IL17RD: variants seen among roughly 807,000 people sequenced by gnomAD.
The protein encoded by IL17RD is interleukin-17 receptor D.
IL17RD carries 52 observed loss-of-function variants against 80.5 expected under a neutral mutation model. The ratio of observed to expected loss-of-function variants is 0.65; its 90% CI spans 0.52 to 0.81. The LOEUF is 0.81. IL17RD is among the 40% of genes least tolerant of loss of function. The pLI, the probability that IL17RD is intolerant of heterozygous loss-of-function variation, is 0.00. For synonymous variants in IL17RD, 416 were observed against 391.8 expected (o/e 1.06, Z -0.73); for missense variants, 1,024 against 955.1 (o/e 1.07, Z -0.95).
At chr3:57,117,051 A>G (rs897646030) in intron 2 of IL17RD, among the ~76,000 whole-genome samples, 1 of 152,134 alleles carries the variant, frequency 6.6e-6, no homozygotes, top group Non-Finnish European at 1.5e-5. Context: ...GTTCATTCCT[A>G]ATGCCAAAAT....
intron 1 of IL17RD, among the ~76,000 whole-genome samples, chr3:57,124,480 G>T (rs1185963133): frequency 6.6e-6 from 1 of 151,522 alleles, no homozygotes; most frequent in Non-Finnish European, 1.5e-5. Flanking sequence ...AATGAGGAGA[G>T]AGAGAAAGAG....
intron 1 of IL17RD, among the ~76,000 whole-genome samples, chr3:57,130,066 G>T (rs759743694): frequency 1.3e-5 from 2 of 152,204 alleles, no homozygotes; most frequent in Non-Finnish European, 2.9e-5. Flanking sequence ...CCAAGGCAGG[G>T]TGTATTTGCT....
At chr3:57,125,609 G>A (rs1322105772) in intron 1 of IL17RD, among the ~76,000 whole-genome samples, 1 of 152,156 alleles carries the variant, frequency 6.6e-6, no homozygotes. Context: ...AGGAAGACTG[G>A]AGAAAGGTCA....
At chr3:57,133,153 T>G (rs546408914) in intron 1 of IL17RD, among the ~76,000 whole-genome samples, 1 of 152,256 alleles carries the variant, frequency 6.6e-6, no homozygotes, top group Non-Finnish European at 1.5e-5. Context: ...CAAGTTTATT[T>G]TGATGAATGT....
intron 3 of IL17RD, among the ~76,000 whole-genome samples, chr3:57,112,238 C>G (rs1236522574): frequency 6.6e-6 from 1 of 152,206 alleles, no homozygotes; most frequent in Non-Finnish European, 1.5e-5. Flanking sequence ...CAAATCCTCC[C>G]AACAACCACA....
intron 1 of IL17RD, chr3:57,134,637 G>C: frequency 1.3e-6 from 1 of 792,842 alleles, no homozygotes; most frequent in South Asian, 1.3e-5. Context: ...TAAGACCAAG[G>C]AAGCACGCAA....
intron 1 of IL17RD, among the ~76,000 whole-genome samples, chr3:57,128,342 G>A (rs529979269): frequency 3.3e-5 from 5 of 152,310 alleles, no homozygotes; most frequent in South Asian, 2.1e-4. Flanking sequence ...AGCCGTAATC[G>A]TGATTCATCT....
intron 1 of IL17RD, chr3:57,134,776 ACTAAAATAAAAC>A (rs1174953519): frequency 8.9e-6 from 4 of 451,802 alleles, no homozygotes; most frequent in Non-Finnish European, 1.6e-5. Flanking sequence ...TAGATCAACC[ACTAAAATAAAAC>A]AAGCCTTTAC....
intron 1 of IL17RD, among the ~76,000 whole-genome samples, chr3:57,160,366 T>G (rs938469368): frequency 1.3e-5 from 2 of 152,142 alleles, no homozygotes; most frequent in Non-Finnish European, 2.9e-5. Flanking sequence ...TTAAAAGCAC[T>G]AGCAGTTCTT....
intron 9 of IL17RD, among the ~76,000 whole-genome samples, 163 bp downstream of exon 9, chr3:57,102,928 G>C (rs182663841): frequency 2.0e-5 from 3 of 152,220 alleles, no homozygotes; most frequent in Admixed American, 2.0e-4. Flanking sequence ...AATCTTCCAG[G>C]TTATAAACAT....
At chr3:57,140,661 T>C (rs983304965) in intron 1 of IL17RD, among the ~76,000 whole-genome samples, 4 of 152,210 alleles carry the variant, frequency 2.6e-5, no homozygotes, top group Admixed American at 2.6e-4. Flanking sequence ...CTAACAACTT[T>C]CTTTCTCAAA....
At chr3:57,163,077 A>G (rs931731233) in intron 1 of IL17RD, among the ~76,000 whole-genome samples, 6 of 152,138 alleles carry the variant, frequency 3.9e-5, no homozygotes, top group African/African-American at 1.4e-4. Flanking sequence ...GTGAGGCTGG[A>G]AAGGGTGGGA....
In IL17RD at chr3:57,098,041, G is replaced by A. The variant is rs1164515270; in HGVS notation, c.1662C>T (p.Asp554=). Residue 554 remains aspartate, a synonymous_variant, in exon 12 of 13, where the codon GAC becomes GAT. Coordinates refer to ENST00000296318, the MANE Select transcript of IL17RD (RefSeq NM_017563.5). ...VAICNMHQFI[D]EEPDWFEKQF... is the part of the protein sequence containing the mutation. ...GCTTTTCGAACCAGTCGGGCTCCTC[G>A]TCAATAAACTGGTGCATGTTGCAAA... 1.9e-6 allele frequency: 3 copies of A among 1,613,986 alleles called. No homozygotes were observed. The highest frequency in any genetic ancestry group is 2.2e-5 in the East Asian group (1 of 44,880).
Position 57,106,106 on chromosome 3 carries a change from T to C in IL17RD, c.595+4A>G, listed in dbSNP as rs778184614. On this transcript the variant is annotated splice_donor_region_variant and intron_variant, in intron 6 of 12. Coordinates refer to ENST00000296318, the MANE Select transcript of IL17RD (RefSeq NM_017563.5). ...ACTTGATAGATAAGAACACTATTAC[T>C]TACAGGGTTTACAAGCTAGATTGTC... 3.1e-6 allele frequency: 5 copies of C among 1,611,330 alleles called. No homozygotes were observed. Among genetic ancestry groups the C allele is most frequent in the Non-Finnish European group, 4.2e-6 (5 of 1,177,792 alleles).
upstream of IL17RD, among the ~76,000 whole-genome samples, chr3:57,166,556 CA>C (rs57014795): frequency 9.4e-4 from 140 of 149,476 alleles, no homozygotes; most frequent in Admixed American, 2.1e-3. Context: ...CCACCACCAA[CA>C]AAAAAAAACA....
chr3:57,127,375 T>A (rs55805803), intron 1 of IL17RD, among the ~76,000 whole-genome samples: 6,709 of 75,268 alleles, frequency 0.089, 1,136 homozygotes, highest in East Asian at 0.22. Flanking sequence ...AATATATATA[T>A]ATAAATAAAT....
chr3:57,100,736 C>T (rs1194867264), intron 11 of IL17RD, among the ~76,000 whole-genome samples: 1 of 152,194 alleles, frequency 6.6e-6, no homozygotes, highest in African/African-American at 2.4e-5. Context: ...CTTCATTCCC[C>T]TTCTCAGCAG....
At chr3:57,111,831 G>A (rs553810122) in intron 3 of IL17RD, among the ~76,000 whole-genome samples, 9 of 151,934 alleles carry the variant, frequency 5.9e-5, no homozygotes, top group Admixed American at 2.6e-4. Context: ...GCACAGTGGT[G>A]GGCGCCTGTA....
At chr3:57,145,520 T>C (rs1707908149) in intron 1 of IL17RD, among the ~76,000 whole-genome samples, 1 of 152,194 alleles carries the variant, frequency 6.6e-6, no homozygotes, top group Non-Finnish European at 1.5e-5. Flanking sequence ...AAACTATATG[T>C]AGGACAAATG....
Sources: allele counts gnomAD v4.1 joint callset (sites outside exome capture counted in the v4.1 genomes callset), GRCh38; gene constraint gnomAD v4.1.1; transcripts MANE v1.5; gene names NCBI Gene and HGNC (gene_info 2026-07-23, HGNC 2026-07-21).